The following REDIC1 variants were observed in gnomAD, a reference collection of about 807,000 sequenced individuals.
The protein encoded by REDIC1 is regulator of DNA class I crossover intermediates 1, also known as HEI10 Interacting Protein 1.
At chr12:39,853,938 G>T in the REDIC1 span, among the ~76,000 whole-genome samples, 1 of 151,972 alleles carries the variant, frequency 6.6e-6, no homozygotes, top group African/African-American at 2.4e-5. Flanking sequence ...TTCATCATTT[G>T]GTACTTGATT....
the REDIC1 span, among the ~76,000 whole-genome samples, chr12:39,799,373 G>A: frequency 4.7e-5 from 7 of 150,252 alleles, no homozygotes; most frequent in African/African-American, 1.5e-4. Context: ...ACCTTCCAAA[G>A]TGCTGGAATT....
At chr12:39,877,230 G>A in the REDIC1 span, among the ~76,000 whole-genome samples, 1 of 152,182 alleles carries the variant, frequency 6.6e-6, no homozygotes, top group East Asian at 1.9e-4. Context: ...AATGGACTCA[G>A]AGTTCCACAT....
chr12:39,868,643 A>G, the REDIC1 span, among the ~76,000 whole-genome samples: 1 of 152,190 alleles, frequency 6.6e-6, no homozygotes, highest in African/African-American at 2.4e-5. Flanking sequence ...ACCAAAATAC[A>G]TGAGGGGGGA....
At chr12:39,703,879 A>G in the REDIC1 span, among the ~76,000 whole-genome samples, 1 of 152,226 alleles carries the variant, frequency 6.6e-6, no homozygotes, top group African/African-American at 2.4e-5. Context: ...CCATATGTAG[A>G]AAGCTGAAAC....
the REDIC1 span, among the ~76,000 whole-genome samples, chr12:39,743,537 G>A: frequency 1.9e-4 from 29 of 152,188 alleles, no homozygotes; most frequent in African/African-American, 7.0e-4. Flanking sequence ...GATATAGCAG[G>A]GATGTTGGAA....
At chr12:39,711,513 ATATATGTG>A in the REDIC1 span, among the ~76,000 whole-genome samples, 1,976 of 142,792 alleles carry the variant, frequency 0.014, 42 homozygotes, top group African/African-American at 0.044. Context: ...ATATATGTGT[ATATATGTG>A]TATATGTGTA....
At chr12:39,692,257 G>T in the REDIC1 span, 1 of 725,916 alleles carries the variant, frequency 1.4e-6, no homozygotes, top group Non-Finnish European at 2.0e-6. Context: ...CAATTGACTC[G>T]TTAAAATTAC....
the REDIC1 span, among the ~76,000 whole-genome samples, chr12:39,718,124 T>C: frequency 3.9e-4 from 59 of 152,276 alleles, no homozygotes; most frequent in African/African-American, 1.3e-3. Flanking sequence ...TCTATAACAG[T>C]AATGGCATGT....
chr12:39,773,620 A>G, the REDIC1 span, among the ~76,000 whole-genome samples: 1 of 152,250 alleles, frequency 6.6e-6, no homozygotes, highest in Admixed American at 6.5e-5. Flanking sequence ...CTTGCTAGTT[A>G]GCCATAAGTA....
At chr12:39,850,494 T>C in the REDIC1 span, among the ~76,000 whole-genome samples, 22 of 152,256 alleles carry the variant, frequency 1.4e-4, no homozygotes, top group Admixed American at 1.4e-3. Flanking sequence ...GATGCTTAGG[T>C]TTCTGAATTT....
chr12:39,742,687 ATGT>A, the REDIC1 span, among the ~76,000 whole-genome samples: 1 of 152,156 alleles, frequency 6.6e-6, no homozygotes, highest in Non-Finnish European at 1.5e-5. Flanking sequence ...GGAATTTTTC[ATGT>A]TGTATTTTAT....
At chr12:39,823,677 G>A in the REDIC1 span, among the ~76,000 whole-genome samples, 1 of 152,010 alleles carries the variant, frequency 6.6e-6, no homozygotes, top group African/African-American at 2.4e-5. Context: ...TTAAACTCCT[G>A]GGCTCAAGTG....
At chr12:39,875,297 C>T in the REDIC1 span, among the ~76,000 whole-genome samples, 1 of 152,244 alleles carries the variant, frequency 6.6e-6, no homozygotes, top group Non-Finnish European at 1.5e-5. Context: ...GCTGGTGGCC[C>T]CCTTCCTCAG....
the REDIC1 span, among the ~76,000 whole-genome samples, chr12:39,800,517 A>G: frequency 8.0e-6 from 1 of 125,732 alleles, no homozygotes; most frequent in Non-Finnish European, 1.6e-5. Flanking sequence ...ACTGGCCATC[A>G]GAGAAATGCA....
chr12:39,699,363 A>T, the REDIC1 span, among the ~76,000 whole-genome samples: 4 of 152,122 alleles, frequency 2.6e-5, no homozygotes, highest in African/African-American at 7.2e-5. Context: ...AGATCGGGTC[A>T]CTCCCATCCG....
the REDIC1 span, among the ~76,000 whole-genome samples, chr12:39,837,880 T>G: frequency 2.6e-5 from 4 of 151,144 alleles, no homozygotes; most frequent in East Asian, 2.0e-4. Context: ...GAAACACTTT[T>G]ACACTGTTGG....
the REDIC1 span, among the ~76,000 whole-genome samples, chr12:39,697,195 G>A: frequency 2.0e-5 from 3 of 152,156 alleles, no homozygotes; most frequent in African/African-American, 7.2e-5. Context: ...CTTACAAGCC[G>A]AGAGAGTGGC....
the REDIC1 span, among the ~76,000 whole-genome samples, chr12:39,669,011 G>T: frequency 4.0e-3 from 612 of 152,070 alleles, 4 homozygotes; most frequent in Middle Eastern, 0.031. Flanking sequence ...TCCTCCTTTA[G>T]CTTGGAGTAG....
the REDIC1 span, chr12:39,764,976 T>C: frequency 8.4e-7 from 1 of 1,197,476 alleles, no homozygotes; most frequent in East Asian, 2.5e-5. Flanking sequence ...TCCAAAATGT[T>C]TTTCTTAAAA....
Sources: allele counts gnomAD v4.1 joint callset (sites outside exome capture counted in the v4.1 genomes callset), GRCh38; gene constraint gnomAD v4.1.1; transcripts MANE v1.5; gene names NCBI Gene and HGNC (gene_info 2026-07-23, HGNC 2026-07-21).